Variants in MARK3 observed in about 807,000 individuals in gnomAD.
MARK3 encodes the protein MAP/microtubule affinity-regulating kinase 3.
MARK3 carries 46 observed loss-of-function variants against 90.1 expected under a neutral mutation model. The observed-to-expected ratio is 0.51, with a 90% CI of 0.40 to 0.65. The LOEUF (loss-of-function observed/expected upper bound fraction) is 0.65. Among genes scored for constraint, MARK3 ranks in the 30% least tolerant of loss-of-function variants. The probability of loss-of-function intolerance (pLI) is 0.00; values close to 1 mark genes in which losing one functional copy is unlikely to be tolerated. For synonymous variants in MARK3, 321 were observed against 332.6 expected (o/e 0.97, Z 0.38); for missense variants, 818 against 947.2 (o/e 0.86, Z 1.79).
rs773110095 is a variant in MARK3, at chr14:103,468,076, C to G, written c.1154C>G (p.Ala385Gly). 14 of 1,613,824 alleles carry G rather than the reference C, an allele frequency of 8.7e-6. No homozygotes were observed. Among genetic ancestry groups the G allele is most frequent in the Non-Finnish European group, 1.2e-5 (14 of 1,179,944 alleles). ...AGTTCTAGCAGCAATCTTTCACTTG[C>G]TAAGGTTAGGCCGAGCAGTGATCTC... ...DSSSSSNLSL[A>G]KVRPSSDLNN... Residue 385 changes from alanine to glycine, a missense_variant, in exon 12 of 18, where the codon GCT becomes GGT. Physicochemically the swap from Ala to Gly is moderately conservative, Grantham distance 60. Around this residue, in one of 3 missense-constraint regions of MARK3, gnomAD observed 560 missense variants for 613.5 expected, o/e 0.91. Transcript: ENST00000429436.
intron 14 of MARK3, among the ~76,000 whole-genome samples, chr14:103,488,559 T>C (rs1471166090): frequency 6.6e-6 from 1 of 152,126 alleles, no homozygotes; most frequent in African/African-American, 2.4e-5. Context: ...CAAACAAAAA[T>C]GCAGGGACAG....
In MARK3 at chr14:103,385,914, C is replaced by T; in HGVS notation, c.-116C>T. On this transcript the variant is annotated 5_prime_UTR_variant, in exon 1 of 18. Coordinates refer to ENST00000429436, the MANE Select transcript of MARK3 (RefSeq NM_001128918.3). The stretch of plus-strand genomic sequence containing the variant: ...CGGCCGTAGGGGGAAGGGAGCCGCC[C>T]TCCCCACGGCGCCTTTTCGGAACTG... 2.5e-6 allele frequency: 2 copies of T among 813,996 alleles called. No homozygotes were observed. Among genetic ancestry groups the T allele is most frequent in the South Asian group, 1.4e-5 (1 of 71,500 alleles). The allele number at this position is 813,996 out of a possible 1,614,324, so 50.4% of individuals were successfully genotyped here.
At chr14:103,452,533 G>A (rs988015557) in intron 5 of MARK3, among the ~76,000 whole-genome samples, 2 of 134,274 alleles carry the variant, frequency 1.5e-5, no homozygotes, top group East Asian at 2.3e-4. Flanking sequence ...GTGCAGTGGC[G>A]CGATCTCGGC....
chr14:103,503,725 G>A lies in MARK3; in HGVS notation c.*498G>A, dbSNP rs1250487995. The A allele has an allele frequency of 1.3e-5, 2 of 153,756 alleles. No individual in the cohort carries two copies. The highest frequency in any genetic ancestry group is 2.9e-5 in the Non-Finnish European group (2 of 68,964). 9.5% of individuals were successfully genotyped at this position (153,756 alleles called of 1,614,324 possible). ...TGTGGTTTTGTGTTTGTTGTTTTGT[G>A]TTTTTTTAGTGCAAAAGGTTTAAAT... On this transcript the variant is annotated 3_prime_UTR_variant, in exon 18 of 18. Coordinates refer to ENST00000429436, the MANE Select transcript of MARK3 (RefSeq NM_001128918.3).
intron 12 of MARK3, among the ~76,000 whole-genome samples, chr14:103,472,697 TGGACTA>T (rs889863039): frequency 1.4e-5 from 2 of 146,392 alleles, no homozygotes; most frequent in African/African-American, 5.0e-5. Context: ...ATCCATACCA[TGGACTA>T]CTACTCACAA....
intron 3 of MARK3, among the ~76,000 whole-genome samples, chr14:103,444,269 AGGATTCCAAATCTT>A (rs2092937230): frequency 6.6e-6 from 1 of 152,066 alleles, no homozygotes; most frequent in Non-Finnish European, 1.5e-5. Context: ...CCCCATTGCC[AGGATTCCAAATCTT>A]TGCCTTCAAA....
rs35133138 is a variant in MARK3 at position 103,494,544 on chromosome 14, C to CA, written c.1844+2531dup. 4.8e-4 allele frequency among the ~76,000 whole-genome samples: 41 copies of CA among 84,572 alleles called. 1 individual carries two copies. The highest frequency in any genetic ancestry group is 1.6e-3 in the African/African-American group (35 of 21,332). 55.5% of individuals were successfully genotyped at this position (84,572 alleles called of 152,430 possible). ...GGGCAACAACAGTGAAACTCTGTCT[C>CA]AAAAAAAAAAAAAAAAAAAAAGACT... On this transcript the variant is annotated intron_variant, in intron 15 of 17. Coordinates refer to ENST00000429436, the MANE Select transcript of MARK3 (RefSeq NM_001128918.3).
At chr14:103,493,500 T>C (rs1300536805) in intron 15 of MARK3, among the ~76,000 whole-genome samples, 1 of 152,082 alleles carries the variant, frequency 6.6e-6, no homozygotes, top group Non-Finnish European at 1.5e-5. Context: ...CTTTGCCAGG[T>C]TTGGGACACC....
At chr14:103,402,786 G>A (rs2091041662) in intron 1 of MARK3, among the ~76,000 whole-genome samples, 2 of 152,132 alleles carry the variant, frequency 1.3e-5, no homozygotes, top group Admixed American at 6.6e-5. Context: ...ACAAAGTAAA[G>A]GATGGAGGTT....
At chr14:103,467,249 C>T (rs2093524895) in intron 11 of MARK3, 58 bp downstream of exon 11, 2 of 778,568 alleles carry the variant, frequency 2.6e-6, no homozygotes, top group Admixed American at 5.1e-5. Context: ...TTTATATAAA[C>T]TGTTTTCTTA....
chr14:103,404,068 AC>A (rs2091128303), intron 1 of MARK3, among the ~76,000 whole-genome samples: 1 of 152,226 alleles, frequency 6.6e-6, no homozygotes, highest in African/African-American at 2.4e-5. Context: ...TCTGAAAAGG[AC>A]ATCTTTTGAG....
At chr14:103,485,007 C>G (rs2093898038) in intron 14 of MARK3, among the ~76,000 whole-genome samples, 1 of 143,964 alleles carries the variant, frequency 6.9e-6, no homozygotes, top group Non-Finnish European at 1.5e-5. Context: ...CACCTGAGGT[C>G]AGGAGTTTGA....
At chr14:103,478,368 C>T (rs116364253) in intron 13 of MARK3, among the ~76,000 whole-genome samples, 18 of 150,522 alleles carry the variant, frequency 1.2e-4, no homozygotes, top group Admixed American at 7.9e-4. Flanking sequence ...CTCTGCCCCC[C>T]TCCCTTCCCC....
intron 1 of MARK3, among the ~76,000 whole-genome samples, chr14:103,390,670 C>T (rs948159329): frequency 1.2e-4 from 19 of 152,206 alleles, no homozygotes; most frequent in African/African-American, 4.6e-4. Context: ...TGGTGGGCTG[C>T]ATGCAGCCCT....
chr14:103,416,955 TGAG>T (rs1253405157), intron 2 of MARK3, among the ~76,000 whole-genome samples: 1 of 151,980 alleles, frequency 6.6e-6, no homozygotes, highest in Admixed American at 6.6e-5. Context: ...ATTAGAGATG[TGAG>T]GAGGTTAAAA....
At chr14:103,445,900 A>G (rs747870558) in intron 3 of MARK3, among the ~76,000 whole-genome samples, 23 of 152,194 alleles carry the variant, frequency 1.5e-4, no homozygotes, top group Non-Finnish European at 2.2e-4. Flanking sequence ...TTTAAAAGCT[A>G]TGTGGTCATT....
chr14:103,416,389 T>C (rs967289175), intron 2 of MARK3, among the ~76,000 whole-genome samples: 1 of 152,100 alleles, frequency 6.6e-6, no homozygotes, highest in Non-Finnish European at 1.5e-5. Flanking sequence ...AAGGAGGAAA[T>C]TGGTGCTGTC....
At position 103,428,424 on chromosome 14, in the gene MARK3, C is replaced by A; in HGVS notation, c.281C>A (p.Pro94Gln). Residue 94 changes from proline (P) to glutamine (Q), a missense_variant, in exon 3 of 18, where the codon CCA becomes CAA. By Grantham distance (76) the Pro-to-Gln change is moderately conservative. Around this residue, in one of 3 missense-constraint regions of MARK3, gnomAD observed 157 missense variants for 158.7 expected, o/e 0.99. Transcript: ENST00000429436. ...ATAATTGACAAAACTCAGTTGAATCCAACAAGTCTACAAAAGGTAAGATTG... is the reference window on the plus strand; with the variant it reads ...ATAATTGACAAAACTCAGTTGAATCAAACAAGTCTACAAAAGGTAAGATTG... ...IKIIDKTQLN[P>Q]TSLQKLFREV... is the part of the protein sequence containing the mutation. 1.3e-6 allele frequency: 2 copies of A among 1,502,692 alleles called. No individual in the cohort carries two copies. Among genetic ancestry groups the A allele is most frequent in the East Asian group, 2.4e-5 (1 of 41,740 alleles). 93.1% of individuals were successfully genotyped at this position (1,502,692 alleles called of 1,614,324 possible).
intron 12 of MARK3, among the ~76,000 whole-genome samples, chr14:103,468,615 C>T (rs898968027): frequency 3.9e-5 from 6 of 151,944 alleles, no homozygotes; most frequent in Admixed American, 6.6e-5. Context: ...CATGAGCCAC[C>T]GTGCCTGGCC....
Sources: allele counts gnomAD v4.1 joint callset (sites outside exome capture counted in the v4.1 genomes callset), GRCh38; gene constraint gnomAD v4.1.1; regional missense constraint gnomAD v4.1.1; transcripts MANE v1.5; gene names NCBI Gene and HGNC (gene_info 2026-07-23, HGNC 2026-07-21).